Variants in SLC9D1 observed in about 807,000 individuals in gnomAD.
The protein encoded by SLC9D1 is solute carrier family 9 member D1.
the SLC9D1 span, among the ~76,000 whole-genome samples, chr13:113,535,883 G>C: frequency 6.6e-6 from 1 of 151,848 alleles, no homozygotes; most frequent in South Asian, 2.1e-4. This position sits in a 1 kb window ranked among gnomAD's most constrained non-coding sequence, Gnocchi z 4.1. Flanking sequence ...TGTGTTTGCT[G>C]TGTCTATATC....
chr13:113,543,956 T>C, the SLC9D1 span, among the ~76,000 whole-genome samples: 1 of 152,206 alleles, frequency 6.6e-6, no homozygotes, highest in Non-Finnish European at 1.5e-5. Flanking sequence ...CTCACTTTTT[T>C]CTCTAACTCG....
the SLC9D1 span, chr13:113,510,199 G>A: frequency 3.2e-6 from 5 of 1,580,588 alleles, no homozygotes; most frequent in African/African-American, 5.4e-5. Flanking sequence ...ATTGCCTGTT[G>A]TCACTAAAAA....
the SLC9D1 span, among the ~76,000 whole-genome samples, chr13:113,531,294 C>T: frequency 3.3e-5 from 5 of 152,248 alleles, no homozygotes; most frequent in African/African-American, 7.2e-5. Context: ...CACCTGTCCG[C>T]GGGCCAGACG....
the SLC9D1 span, chr13:113,527,406 C>G: frequency 1.3e-5 from 2 of 152,266 alleles, no homozygotes; most frequent in East Asian, 1.9e-4. Context: ...CTGGGAATGG[C>G]CTTTGTCCCC....
the SLC9D1 span, among the ~76,000 whole-genome samples, chr13:113,513,852 G>C: frequency 1.3e-5 from 2 of 152,202 alleles, no homozygotes; most frequent in South Asian, 4.2e-4. Context: ...AAAAAGCTAA[G>C]AATAGGCAAC....
chr13:113,549,740 T>C, the SLC9D1 span: 1 of 743,500 alleles, frequency 1.3e-6, no homozygotes, highest in Non-Finnish European at 2.4e-6. Context: ...TTATTTGCAG[T>C]CTGTTGATTA....
chr13:113,510,543 CT>C, the SLC9D1 span: 1 of 897,420 alleles, frequency 1.1e-6, no homozygotes, highest in Non-Finnish European at 1.7e-6. Context: ...CCTCTTAGGA[CT>C]TTCCTAACCA....
chr13:113,522,364 G>A, the SLC9D1 span, among the ~76,000 whole-genome samples: 3 of 152,062 alleles, frequency 2.0e-5, no homozygotes, highest in South Asian at 2.1e-4. Context: ...TGTTTGAGAC[G>A]GAGTCTCGCT....
At chr13:113,526,408 A>C in the SLC9D1 span, among the ~76,000 whole-genome samples, 4 of 152,216 alleles carry the variant, frequency 2.6e-5, no homozygotes, top group African/African-American at 9.7e-5. Flanking sequence ...CTGAAGAAAG[A>C]AAAATATTTT....
At chr13:113,531,797 T>C in the SLC9D1 span, among the ~76,000 whole-genome samples, 28,814 of 152,254 alleles carry the variant, frequency 0.19, 3,667 homozygotes, top group African/African-American at 0.36. Context: ...AGGTCAGAGT[T>C]GAGCGCACTG....
At chr13:113,502,787 C>G in the SLC9D1 span, among the ~76,000 whole-genome samples, 3 of 152,246 alleles carry the variant, frequency 2.0e-5, no homozygotes, top group Non-Finnish European at 4.4e-5. Context: ...CCCTCCAAGC[C>G]TCTTTCCCTC....
At chr13:113,515,160 C>A in the SLC9D1 span, among the ~76,000 whole-genome samples, 1 of 152,184 alleles carries the variant, frequency 6.6e-6, no homozygotes, top group East Asian at 1.9e-4. Flanking sequence ...ATATACATAT[C>A]CTAGAAAATT....
At chr13:113,545,409 G>A in the SLC9D1 span, among the ~76,000 whole-genome samples, 1 of 152,222 alleles carries the variant, frequency 6.6e-6, no homozygotes, top group African/African-American at 2.4e-5. Context: ...ACCAAGTATA[G>A]GTTTGATGTT....
the SLC9D1 span, among the ~76,000 whole-genome samples, chr13:113,531,607 G>C: frequency 2.0e-5 from 3 of 148,502 alleles, no homozygotes; most frequent in African/African-American, 7.5e-5. Flanking sequence ...GCACACGCGT[G>C]TGGACCTGCA....
chr13:113,525,131 T>C, the SLC9D1 span, among the ~76,000 whole-genome samples: 1 of 152,206 alleles, frequency 6.6e-6, no homozygotes, highest in African/African-American at 2.4e-5. Flanking sequence ...GTAGAAGCCT[T>C]ATTTCCACTT....
the SLC9D1 span, chr13:113,520,603 T>A: frequency 1.2e-6 from 2 of 1,600,872 alleles, no homozygotes; most frequent in Non-Finnish European, 1.7e-6. Context: ...CTTCAATGCC[T>A]TTCCCCCCAC....
the SLC9D1 span, chr13:113,549,394 C>G: frequency 1.2e-6 from 2 of 1,610,534 alleles, no homozygotes; most frequent in Non-Finnish European, 1.7e-6. Context: ...CTGACAGTCT[C>G]TGTGACCCGC....
chr13:113,509,499 G>A, the SLC9D1 span, among the ~76,000 whole-genome samples: 2 of 152,110 alleles, frequency 1.3e-5, no homozygotes, highest in African/African-American at 4.8e-5. Context: ...GGAGCCGCAT[G>A]TGCCCGGCTG....
the SLC9D1 span, among the ~76,000 whole-genome samples, chr13:113,521,033 T>G: frequency 6.6e-6 from 1 of 152,166 alleles, no homozygotes; most frequent in East Asian, 1.9e-4. Flanking sequence ...GAAACATGCT[T>G]AGAACAATGT....
Sources: allele counts gnomAD v4.1 joint callset (sites outside exome capture counted in the v4.1 genomes callset), GRCh38; gene constraint gnomAD v4.1.1; non-coding constraint Gnocchi (gnomAD v3.1); transcripts MANE v1.5; gene names NCBI Gene and HGNC (gene_info 2026-07-23, HGNC 2026-07-21).